Variants in TACR3 observed in about 807,000 individuals in gnomAD.
TACR3 encodes the protein tachykinin receptor 3.
In TACR3, 34 loss-of-function variants were observed where a neutral mutation model predicts 35.0. The ratio of observed to expected loss-of-function variants is 0.97; its 90% CI spans 0.74 to 1.30. The LOEUF is 1.30. Among genes scored for constraint, TACR3 ranks in the 50% most tolerant of loss-of-function variants. The pLI is 0.00. For missense variants in TACR3, 558 were observed against 591.7 expected (o/e 0.94, Z 0.59); for synonymous variants, 233 against 221.1 (o/e 1.05, Z -0.48).
intron 3 of TACR3, among the ~76,000 whole-genome samples, chr4:103,645,858 T>C (rs73835390): frequency 0.15 from 23,431 of 151,728 alleles, 1,968 homozygotes; most frequent in African/African-American, 0.18. Flanking sequence ...AAACGGAGCA[T>C]AATAAAGTTA....
At chr4:103,629,401 A>T (rs1032748640) in intron 3 of TACR3, among the ~76,000 whole-genome samples, 1 of 152,180 alleles carries the variant, frequency 6.6e-6, no homozygotes, top group Non-Finnish European at 1.5e-5. Context: ...CCATTGTCTC[A>T]GCCCAAAATC....
At chr4:103,642,201 G>A (rs1377699158) in intron 3 of TACR3, among the ~76,000 whole-genome samples, 2 of 150,576 alleles carry the variant, frequency 1.3e-5, no homozygotes, top group African/African-American at 2.4e-5. Flanking sequence ...CAAAAATATG[G>A]ATATACATAT....
intron 3 of TACR3, among the ~76,000 whole-genome samples, chr4:103,594,454 G>A (rs1723962128): frequency 6.6e-6 from 1 of 152,134 alleles, no homozygotes; most frequent in African/African-American, 2.4e-5. Context: ...TGGGATTACA[G>A]GTGTGAGACA....
intron 3 of TACR3, among the ~76,000 whole-genome samples, chr4:103,641,579 G>T (rs969600952): frequency 1.3e-5 from 2 of 151,818 alleles, no homozygotes; most frequent in African/African-American, 4.8e-5. Flanking sequence ...TACTCAGAAA[G>T]CTAAAAATTA....
intron 3 of TACR3, among the ~76,000 whole-genome samples, chr4:103,644,488 TAC>T (rs1725419602): frequency 6.6e-6 from 1 of 151,828 alleles, no homozygotes; most frequent in South Asian, 2.1e-4. Context: ...ATGAGATAGA[TAC>T]AGTCTAATGA....
chr4:103,591,220 A>G (rs2110282985), intron 4 of TACR3: 1 of 467,292 alleles, frequency 2.1e-6, no homozygotes. Flanking sequence ...AAATTCTGAG[A>G]TTTTGGAGGA....
At chr4:103,715,053 C>A (rs146495596) in intron 1 of TACR3, among the ~76,000 whole-genome samples, 18 of 152,104 alleles carry the variant, frequency 1.2e-4, no homozygotes, top group Non-Finnish European at 2.4e-4. Flanking sequence ...TTTTGTTGAA[C>A]GCTCCTTTTA....
intron 3 of TACR3, among the ~76,000 whole-genome samples, chr4:103,653,752 G>C (rs1469103922): frequency 4.6e-5 from 7 of 151,874 alleles, no homozygotes; most frequent in Non-Finnish European, 7.4e-5. Context: ...CCATCAGAGT[G>C]AACAGGCAAC....
Position 103,611,888 on chromosome 4 carries a change from T to C in TACR3, c.889-20205A>G, listed in dbSNP as rs1213808584. On this transcript the variant is annotated intron_variant, in intron 3 of 4. Coordinates refer to ENST00000304883, the MANE Select transcript of TACR3 (RefSeq NM_001059.3). ...CTGCCCCATTCAATCACTTGGCAAA[T>C]CCTATTGACCAAGACATCAAAATAA... 3.3e-5 allele frequency among the ~76,000 whole-genome samples: 5 copies of C among 152,156 alleles called. No homozygotes were observed. The East Asian group carries it at 9.6e-4, about 29-fold the overall frequency.
chr4:103,629,840 C>A (rs1725006039), intron 3 of TACR3, among the ~76,000 whole-genome samples: 1 of 94,816 alleles, frequency 1.1e-5, no homozygotes, highest in Non-Finnish European at 2.1e-5. Flanking sequence ...CAAGACAATC[C>A]TAAGCAAAAC....
chr4:103,616,095 T>G (rs975876200), intron 3 of TACR3, among the ~76,000 whole-genome samples: 1 of 152,192 alleles, frequency 6.6e-6, no homozygotes, highest in Non-Finnish European at 1.5e-5. Context: ...ATGTCAGAAA[T>G]TCATGACCTG....
intron 3 of TACR3, among the ~76,000 whole-genome samples, 188 bp from the exon 4 acceptor site, chr4:103,591,871 T>C (rs191412006): frequency 4.5e-4 from 69 of 152,326 alleles, no homozygotes; most frequent in Middle Eastern, 6.8e-3. Flanking sequence ...AATTATGCTA[T>C]GTCACTATTC....
intron 3 of TACR3, chr4:103,593,564 G>T (rs1375540433): frequency 6.6e-6 from 1 of 152,096 alleles, no homozygotes; most frequent in Non-Finnish European, 1.5e-5. Context: ...AATGAAATTA[G>T]TCTACTGATG....
intron 3 of TACR3, among the ~76,000 whole-genome samples, chr4:103,599,072 C>G (rs1327972044): frequency 2.6e-5 from 4 of 152,272 alleles, no homozygotes; most frequent in African/African-American, 7.2e-5. Flanking sequence ...AATATTGATT[C>G]TTCCTACCCA....
chr4:103,719,096 C>T (rs1723151166), intron 1 of TACR3, 32 bp downstream of exon 1: 2 of 1,613,512 alleles, frequency 1.2e-6, no homozygotes, highest in African/African-American at 1.3e-5. Flanking sequence ...TTTCCCTTCT[C>T]CCTCTTTCCT....
At chr4:103,628,671 A>C (rs1466015515) in intron 3 of TACR3, among the ~76,000 whole-genome samples, 1 of 152,140 alleles carries the variant, frequency 6.6e-6, no homozygotes, top group Non-Finnish European at 1.5e-5. Context: ...CCCACCAACC[A>C]AAAAAATCCA....
chr4:103,698,528 G>T (rs1239275307), intron 1 of TACR3, among the ~76,000 whole-genome samples: 1 of 124,190 alleles, frequency 8.1e-6, no homozygotes, highest in Non-Finnish European at 1.6e-5. Context: ...TTTATCAGAG[G>T]ATATTTTCTT....
intron 3 of TACR3, among the ~76,000 whole-genome samples, chr4:103,598,765 G>C (rs1308931207): frequency 2.6e-5 from 4 of 152,104 alleles, no homozygotes; most frequent in African/African-American, 9.7e-5. Context: ...GATATTTGTA[G>C]ATATGCGGCA....
intron 1 of TACR3, among the ~76,000 whole-genome samples, chr4:103,703,134 ATTTTGG>A (rs1722700336): frequency 6.6e-6 from 1 of 152,198 alleles, no homozygotes; most frequent in Admixed American, 6.5e-5. Context: ...AATTTGTCCT[ATTTTGG>A]AGTCCACATT....
Sources: gnomAD v4.1 joint callset for allele counts (sites outside exome capture counted in the v4.1 genomes callset) on GRCh38, gnomAD v4.1.1 for gene constraint, MANE v1.5 for transcripts, NCBI Gene and HGNC (gene_info 2026-07-23, HGNC 2026-07-21) for gene names.